Variants in RNF38 observed in about 807,000 individuals in gnomAD.
RNF38 encodes E3 ubiquitin-protein ligase RNF38.
RNF38 carries 15 observed loss-of-function variants against 67.2 expected under a neutral mutation model. That is an observed-to-expected ratio of 0.22 (90% CI 0.15 to 0.34). The LOEUF (loss-of-function observed/expected upper bound fraction) is 0.34. Among genes scored for constraint, RNF38 ranks in the 10% least tolerant of loss-of-function variants. The pLI is 1.00. For synonymous variants in RNF38, 220 were observed against 218.8 expected, an observed-to-expected ratio of 1.01 and a Z score of -0.05; for missense variants, 524 against 639.9, an observed-to-expected ratio of 0.82 and a Z score of 1.95.
At chr9:36,340,853 C>G (rs1052328707) in intron 11 of RNF38, among the ~76,000 whole-genome samples, 2 of 152,110 alleles carry the variant, frequency 1.3e-5, no homozygotes, top group African/African-American at 4.8e-5. Context: ...GTTGCTAATG[C>G]CAGACACATA....
Position 36,379,042 on chromosome 9 carries a change from AG to A in RNF38, c.163-2916del, listed in dbSNP as rs532878644. Among the ~76,000 whole-genome samples, 130 of 152,118 alleles carry A rather than the reference AG, an allele frequency of 8.5e-4. No homozygotes were observed. The Middle Eastern group carries it at 0.017, about 20-fold the overall frequency. On this transcript the variant is annotated intron_variant, in intron 2 of 11. Coordinates refer to ENST00000259605, the MANE Select transcript of RNF38 (RefSeq NM_022781.5). ...CAGTCTCCCGAGTAGCTGGGATTAC[AG>A]GCATGCACCACCATGCCTGGCTAAT...
At chr9:36,393,351 A>C (rs1837255400) in intron 1 of RNF38, among the ~76,000 whole-genome samples, 1 of 152,198 alleles carries the variant, frequency 6.6e-6, no homozygotes, top group Non-Finnish European at 1.5e-5. Flanking sequence ...TTTGTCTTAA[A>C]AAGGATGGAC....
intron 8 of RNF38, among the ~76,000 whole-genome samples, chr9:36,351,697 G>A (rs10972866): frequency 0.4 from 61,298 of 152,030 alleles, 12,746 homozygotes; most frequent in Middle Eastern, 0.54. Flanking sequence ...ACGTAAGCAC[G>A]TGGCCTTCTG....
At chr9:36,347,678 A>T (rs967652497) in intron 9 of RNF38, among the ~76,000 whole-genome samples, 8 of 152,180 alleles carry the variant, frequency 5.3e-5, no homozygotes, top group Admixed American at 1.3e-4. Context: ...CGGTATTCCT[A>T]GTCTCTGAGA....
At chr9:36,479,402 T>G (rs1368379412) in intron 1 of RNF38, among the ~76,000 whole-genome samples, 1 of 152,190 alleles carries the variant, frequency 6.6e-6, no homozygotes, top group Non-Finnish European at 1.5e-5. Context: ...ATATCGTTTG[T>G]GGGAATTTAC....
intron 2 of RNF38, among the ~76,000 whole-genome samples, chr9:36,409,488 C>T (rs190444974): frequency 2.8e-4 from 42 of 152,274 alleles, no homozygotes; most frequent in African/African-American, 9.6e-4. Flanking sequence ...AAGAAACATT[C>T]GAATGCTGCA....
At chr9:36,365,555 AAG>A (rs538682770) in intron 4 of RNF38, among the ~76,000 whole-genome samples, 33 of 152,110 alleles carry the variant, frequency 2.2e-4, no homozygotes, top group Non-Finnish European at 3.5e-4. Flanking sequence ...CCTGGGCAAG[AAG>A]AGCGAAACTC....
chr9:36,401,308 G>A, upstream of RNF38: 2 of 620,656 alleles, frequency 3.2e-6, no homozygotes, highest in Non-Finnish European at 3.9e-6. Context: ...GCCCCAGCCC[G>A]CCCCCCGCTG....
chr9:36,369,836 C>CTGTGCGTAAGGGAGATGGTGG lies in RNF38; in HGVS notation c.452_453insCCACCATCTCCCTTACGCACA (p.Ala150_Gln151insHisHisHisLeuProTyrAla), dbSNP rs1835243871. 1.2e-6 allele frequency: 2 copies of CTGTGCGTAAGGGAGATGGTGG among 1,613,804 alleles called. No individual in the cohort carries two copies. The highest frequency in any genetic ancestry group is 2.7e-5 in the African/African-American group (2 of 74,906). ...CTCGAGGCTCCTCTATTGCTTGCTG[C>CTGTGCGTAAGGGAGATGGTGG]TGTGCGTAAGGGAGATGGTGATAGT... On this transcript the variant is annotated inframe_insertion, in exon 4 of 12. Coordinates refer to ENST00000259605, the MANE Select transcript of RNF38 (RefSeq NM_022781.5).
intron 9 of RNF38, among the ~76,000 whole-genome samples, chr9:36,348,270 G>GC (rs1833443925): frequency 6.6e-6 from 1 of 151,592 alleles, no homozygotes; most frequent in African/African-American, 2.4e-5. Context: ...ACTTGGACTA[G>GC]CCTTGGATGG....
chr9:36,393,372 G>A (rs1339017624), intron 1 of RNF38, among the ~76,000 whole-genome samples: 1 of 151,984 alleles, frequency 6.6e-6, no homozygotes, highest in Non-Finnish European at 1.5e-5. Flanking sequence ...CAATATAATG[G>A]AGAAAAGCTA....
chr9:36,477,083 G>T (rs886146093), intron 1 of RNF38, among the ~76,000 whole-genome samples: 1 of 152,184 alleles, frequency 6.6e-6, no homozygotes, highest in African/African-American at 2.4e-5. Context: ...CAGCACTTTG[G>T]GGGGCTGAGG....
intron 1 of RNF38, among the ~76,000 whole-genome samples, chr9:36,463,333 C>T (rs1339984294): frequency 6.6e-6 from 1 of 152,166 alleles, no homozygotes; most frequent in Non-Finnish European, 1.5e-5. Context: ...AAGTAATAAA[C>T]TGGCACTTTC....
chr9:36,466,000 C>T (rs1839853600), intron 1 of RNF38, among the ~76,000 whole-genome samples: 1 of 152,046 alleles, frequency 6.6e-6, no homozygotes. Flanking sequence ...TGCAGTGAGC[C>T]GAGATCGGGC....
At chr9:36,414,687 CAAAAAAA>C (rs549559098) in intron 2 of RNF38, among the ~76,000 whole-genome samples, 1 of 70,042 alleles carries the variant, frequency 1.4e-5, no homozygotes, top group Non-Finnish European at 3.3e-5. Flanking sequence ...ACTCTGTCTC[CAAAAAAA>C]AAAAAAAAAA....
intron 4 of RNF38, among the ~76,000 whole-genome samples, chr9:36,360,810 C>T (rs1834469077): frequency 6.6e-6 from 1 of 152,142 alleles, no homozygotes; most frequent in Admixed American, 6.6e-5. Flanking sequence ...CCCCGACCAA[C>T]TGCACACACA....
intron 2 of RNF38, among the ~76,000 whole-genome samples, chr9:36,388,155 G>T (rs1266102587): frequency 5.3e-5 from 8 of 152,174 alleles, no homozygotes; most frequent in African/African-American, 1.9e-4. Context: ...ACTGAAGAGA[G>T]ATGTACGTGA....
intron 11 of RNF38, among the ~76,000 whole-genome samples, chr9:36,341,305 G>C (rs184081291): frequency 6.6e-6 from 1 of 152,010 alleles, no homozygotes; most frequent in Non-Finnish European, 1.5e-5. Flanking sequence ...AAGACTCTTT[G>C]TCTTCAGGAT....
chr9:36,401,919 T>A (rs1838049619), upstream of RNF38, among the ~76,000 whole-genome samples: 1 of 152,228 alleles, frequency 6.6e-6, no homozygotes, highest in Admixed American at 6.5e-5. Context: ...TTTCCCTCTC[T>A]GGGCCTCAGC....
Sources: gnomAD v4.1 joint callset for allele counts (sites outside exome capture counted in the v4.1 genomes callset) on GRCh38, gnomAD v4.1.1 for gene constraint, MANE v1.5 for transcripts, NCBI Gene and HGNC (gene_info 2026-07-23, HGNC 2026-07-21) for gene names.